The following AK5 variants were observed in gnomAD, a reference collection of about 807,000 sequenced individuals.
AK5 encodes the protein adenylate kinase 5.
In AK5, 27 loss-of-function variants were observed where a neutral mutation model predicts 69.5. The ratio of observed to expected loss-of-function variants is 0.39; its 90% CI spans 0.29 to 0.54. The LOEUF (loss-of-function observed/expected upper bound fraction) is 0.54, where lower values mean the gene tolerates loss of function less well. Ranked by LOEUF, AK5 falls within the 20% of genes least tolerant of loss-of-function variation. AK5 has a pLI of 0.71. For synonymous variants in AK5, 260 were observed against 244.4 expected (o/e 1.06, Z -0.60); for missense variants, 531 against 700.4 (o/e 0.76, Z 2.73).
At chr1:77,312,504 A>G (rs1466431789) in intron 5 of AK5, among the ~76,000 whole-genome samples, 1 of 151,628 alleles carries the variant, frequency 6.6e-6, no homozygotes, top group African/African-American at 2.4e-5. Context: ...AATCCCAACT[A>G]CTTGAGAGGC....
chr1:77,548,301 G>A (rs1290546131), intron 13 of AK5, among the ~76,000 whole-genome samples: 1 of 152,122 alleles, frequency 6.6e-6, no homozygotes, highest in Non-Finnish European at 1.5e-5. Context: ...GAACTGTGTG[G>A]CCTGACTGGA....
At chr1:77,455,503 AAT>A (rs1306943919) in intron 8 of AK5, among the ~76,000 whole-genome samples, 1 of 152,162 alleles carries the variant, frequency 6.6e-6, no homozygotes, top group African/African-American at 2.4e-5. Flanking sequence ...TTTGAGATTT[AAT>A]AGTGAGGGCA....
chr1:77,408,440 T>C (rs993893936), intron 6 of AK5, among the ~76,000 whole-genome samples: 2 of 152,130 alleles, frequency 1.3e-5, no homozygotes, highest in African/African-American at 4.8e-5. Context: ...TTTTGAGAAG[T>C]GTTTATGTCT....
chr1:77,324,327 G>A lies in AK5; in HGVS notation c.700-16050G>A, dbSNP rs1456333130. Among the ~76,000 whole-genome samples the A allele has an allele frequency of 6.4e-5, 5 of 78,136 alleles. No individual in the cohort carries two copies. In the East Asian group the frequency reaches 1.5e-3, roughly 24 times the overall value. The allele number at this position is 78,136 out of a possible 152,430, so 51.3% of individuals were successfully genotyped here. A position where few individuals can be genotyped will look rare whatever the true frequency, so the allele number is the denominator to read the frequency against. ...AAAAGTTCACCATTTGCGTGTGTGT[G>A]TGTGTGTGTGTGTGTGTGTGTGTGT... On this transcript the variant is annotated intron_variant, in intron 5 of 13. Transcript: ENST00000354567.
chr1:77,324,930 TTCTC>T (rs1660719568), intron 5 of AK5, among the ~76,000 whole-genome samples: 1 of 151,848 alleles, frequency 6.6e-6, no homozygotes, highest in East Asian at 1.9e-4. Flanking sequence ...GAATTCATCA[TTCTC>T]TATTACATCA....
At chr1:77,469,013 G>A (rs1478123684) in intron 8 of AK5, among the ~76,000 whole-genome samples, 1 of 152,188 alleles carries the variant, frequency 6.6e-6, no homozygotes, top group Non-Finnish European at 1.5e-5. Flanking sequence ...TTGGGCTAAA[G>A]GATTTTCGAA....
At chr1:77,449,112 A>AGAAGAGG (rs1437118099) in intron 8 of AK5, among the ~76,000 whole-genome samples, 1 of 152,210 alleles carries the variant, frequency 6.6e-6, no homozygotes, top group African/African-American at 2.4e-5. Context: ...TGGAGCTATG[A>AGAAGAGG]GAAGAGGTCC....
intron 10 of AK5, among the ~76,000 whole-genome samples, chr1:77,489,649 C>T (rs58958142): frequency 0.047 from 7,138 of 152,234 alleles, 355 homozygotes; most frequent in East Asian, 0.2. Context: ...GGCATATACC[C>T]GAAAAACATT....
At chr1:77,282,499 C>A (rs926141057) in intron 1 of AK5, 126 bp downstream of exon 1, 9 of 1,384,094 alleles carry the variant, frequency 6.5e-6, no homozygotes, top group Middle Eastern at 2.1e-4. Flanking sequence ...CTTGTAGAAG[C>A]GCACTCGCCC....
At chr1:77,540,838 T>TCTATAATCG in intron 13 of AK5, 1 of 152,296 alleles carries the variant, frequency 6.6e-6, no homozygotes, top group Non-Finnish European at 1.5e-5. Flanking sequence ...GTGGCACATG[T>TCTATAATCG]CTATAATCAC....
At position 77,282,302 on chromosome 1, in the gene AK5, C is replaced by G; in HGVS notation, c.-12C>G. 6 of 1,548,468 alleles carry G rather than the reference C, an allele frequency of 3.9e-6. No individual in the cohort carries two copies. Among genetic ancestry groups the G allele is most frequent in the Non-Finnish European group, 5.2e-6 (6 of 1,146,500 alleles). On this transcript the variant is annotated 5_prime_UTR_variant, in exon 1 of 14. Coordinates refer to ENST00000354567, the MANE Select transcript of AK5 (RefSeq NM_174858.3). ...CTCCCCGCTTGCGCCCCAAGGCACG[C>G]GCGGCACAGCCATGAACACCAACGA...
intron 1 of AK5, chr1:77,283,689 T>A: frequency 1.2e-6 from 1 of 865,494 alleles, no homozygotes; most frequent in Non-Finnish European, 1.4e-6. Context: ...TGAAAATAAT[T>A]AGGTGGTGTT....
Position 77,340,544 on chromosome 1 carries a change from C to A in AK5, c.867C>A (p.Phe289Leu). The A allele has an allele frequency of 6.2e-7, 1 of 1,613,958 alleles. No homozygotes were observed. Among genetic ancestry groups the A allele is most frequent in the African/African-American group, 1.3e-5 (1 of 75,016 alleles). ...KQNAAPLVKYFQEKGLIMTFD... is the reference protein window; with the variant it reads ...KQNAAPLVKYLQEKGLIMTFD... Reference sequence around the variant, plus strand: ...ATGCTGCTCCATTGGTTAAATACTTCCAGGAAAAGGGGCTCATCATGACAG... The same window carrying A: ...ATGCTGCTCCATTGGTTAAATACTTACAGGAAAAGGGGCTCATCATGACAG... The change falls in exon 6 of 14, where the codon TTC (phenylalanine) becomes TTA (leucine). Residue 289 changes from phenylalanine (F) to leucine (L), a missense_variant. Physicochemically the swap from Phe to Leu is conservative, Grantham distance 22. Transcript: ENST00000354567.
At chr1:77,444,768 G>A (rs1303933229) in intron 8 of AK5, among the ~76,000 whole-genome samples, 1 of 147,488 alleles carries the variant, frequency 6.8e-6, no homozygotes, top group Admixed American at 6.9e-5. Flanking sequence ...TTGGGGGGAG[G>A]GTCTCACTTT....
intron 8 of AK5, among the ~76,000 whole-genome samples, chr1:77,419,261 A>T (rs1437404527): frequency 1.3e-5 from 2 of 152,174 alleles, no homozygotes; most frequent in Non-Finnish European, 2.9e-5. Flanking sequence ...GAGCCTTTTC[A>T]GTTGCTGACC....
chr1:77,456,530 G>A (rs912546382), intron 8 of AK5, among the ~76,000 whole-genome samples: 2 of 152,334 alleles, frequency 1.3e-5, no homozygotes, highest in East Asian at 3.9e-4. Flanking sequence ...GAAATGACTG[G>A]GCAGAGAGCA....
At chr1:77,531,965 T>G (rs1658635332) in intron 12 of AK5, 1 of 146,994 alleles carries the variant, frequency 6.8e-6, no homozygotes, top group African/African-American at 2.4e-5. Flanking sequence ...GCCCAGGTGC[T>G]AAGCCCCTCA....
chr1:77,503,798 A>T (rs557163981), intron 10 of AK5, among the ~76,000 whole-genome samples: 1 of 151,984 alleles, frequency 6.6e-6, no homozygotes, highest in Non-Finnish European at 1.5e-5. Context: ...CCAGCTACTC[A>T]GAAGGCTGAG....
intron 8 of AK5, among the ~76,000 whole-genome samples, chr1:77,470,317 C>A (rs1654383805): frequency 6.6e-6 from 1 of 152,134 alleles, no homozygotes; most frequent in Non-Finnish European, 1.5e-5. Flanking sequence ...CCATCCTGGG[C>A]AACCTAGCAA....
Sources: allele counts gnomAD v4.1 joint callset (sites outside exome capture counted in the v4.1 genomes callset), GRCh38; gene constraint gnomAD v4.1.1; transcripts MANE v1.5; gene names NCBI Gene and HGNC (gene_info 2026-07-23, HGNC 2026-07-21).